The following CDH12 variants were observed in gnomAD, a reference collection of about 807,000 sequenced individuals.
CDH12 encodes the protein cadherin 12, also known as cadherin-12.
Under a neutral mutation model 74.1 loss-of-function variants are expected in CDH12, and 41 were observed. That is an observed-to-expected ratio of 0.55 (90% CI 0.43 to 0.72). The LOEUF is 0.72. Ranked by LOEUF, CDH12 falls within the 30% of genes least tolerant of loss-of-function variation. CDH12 has a pLI of 0.00. For synonymous variants in CDH12, 399 were observed against 355.0 expected, an observed-to-expected ratio of 1.12 and a Z score of -1.39; for missense variants, 945 against 977.2, an observed-to-expected ratio of 0.97 and a Z score of 0.44.
intron 3 of CDH12, among the ~76,000 whole-genome samples, chr5:22,237,163 G>A (rs1196840373): frequency 6.6e-6 from 1 of 152,106 alleles, no homozygotes; most frequent in African/African-American, 2.4e-5. Context: ...GGTGAGTCAT[G>A]TGCACACTAC....
At chr5:22,076,759 G>A in intron 5 of CDH12, among the ~76,000 whole-genome samples, 1 of 152,092 alleles carries the variant, frequency 6.6e-6, no homozygotes, top group Non-Finnish European at 1.5e-5. Flanking sequence ...TCCATATTTT[G>A]GAGTGACTTC....
At chr5:22,710,462 G>C (rs1743230688) in intron 1 of CDH12, among the ~76,000 whole-genome samples, 1 of 152,076 alleles carries the variant, frequency 6.6e-6, no homozygotes. Flanking sequence ...GACAACCGAG[G>C]TACACAATAA....
At chr5:21,786,727 T>C (rs1746218838) in intron 10 of CDH12, among the ~76,000 whole-genome samples, 1 of 152,234 alleles carries the variant, frequency 6.6e-6, no homozygotes, top group Non-Finnish European at 1.5e-5. Flanking sequence ...CTATGATGAT[T>C]CTTGACAAAG....
intron 6 of CDH12, among the ~76,000 whole-genome samples, chr5:21,927,826 T>C (rs1479017949): frequency 1.3e-5 from 2 of 151,792 alleles, no homozygotes; most frequent in Non-Finnish European, 2.9e-5. Context: ...TCCCAGCACT[T>C]TGGGAGGCCG....
chr5:21,940,856 TCTCA>T (rs1006020255), intron 6 of CDH12, among the ~76,000 whole-genome samples: 13 of 151,962 alleles, frequency 8.6e-5, no homozygotes, highest in African/African-American at 3.1e-4. Context: ...TCTCTCTCTC[TCTCA>T]CACACACACA....
At chr5:22,405,527 C>A (rs1279600963) in intron 2 of CDH12, among the ~76,000 whole-genome samples, 176 bp from the exon 3 acceptor site, 2 of 152,036 alleles carry the variant, frequency 1.3e-5, no homozygotes. Flanking sequence ...TTCTATCAGG[C>A]CAAAGATAGT....
chr5:22,333,578 T>C (rs1268945672), intron 3 of CDH12, among the ~76,000 whole-genome samples: 2 of 152,178 alleles, frequency 1.3e-5, no homozygotes, highest in African/African-American at 4.8e-5. Context: ...GTAATACTTC[T>C]ACTCTAACTG....
At chr5:22,518,228 A>G (rs1430476158) in intron 1 of CDH12, among the ~76,000 whole-genome samples, 2 of 152,240 alleles carry the variant, frequency 1.3e-5, no homozygotes, top group Admixed American at 1.3e-4. Context: ...GAAGGTCCTT[A>G]ACAGAGTCCA....
chr5:22,754,684 G>A (rs116606727), intron 1 of CDH12, among the ~76,000 whole-genome samples: 3 of 152,166 alleles, frequency 2.0e-5, no homozygotes, highest in Non-Finnish European at 4.4e-5. Flanking sequence ...GGAAAGTGAC[G>A]GAGCAATACA....
At chr5:22,029,829 C>T (rs1433713927) in intron 5 of CDH12, among the ~76,000 whole-genome samples, 1 of 151,796 alleles carries the variant, frequency 6.6e-6, no homozygotes, top group Non-Finnish European at 1.5e-5. Context: ...TTTATTGCGG[C>T]ACTATTCACA....
chr5:22,786,702 TTTTTC>T (rs1561030144), intron 1 of CDH12, among the ~76,000 whole-genome samples: 1 of 151,844 alleles, frequency 6.6e-6, no homozygotes, highest in Non-Finnish European at 1.5e-5. Context: ...ACATTCTTTT[TTTTTC>T]TTTTTTCTTT....
chr5:22,002,517 T>C (rs1736664928), intron 5 of CDH12, among the ~76,000 whole-genome samples: 2 of 152,178 alleles, frequency 1.3e-5, no homozygotes, highest in African/African-American at 2.4e-5. Context: ...ATTCTCCATA[T>C]CCCTTCTAAA....
Position 22,796,746 on chromosome 5 carries a change from T to C in CDH12, c.-523+56312A>G, listed in dbSNP as rs948608635. On this transcript the variant is annotated intron_variant, in intron 1 of 14. Coordinates refer to ENST00000382254, the MANE Select transcript of CDH12 (RefSeq NM_004061.5). ...CGTTTTAGCCGGGATGGTCTCGATC[T>C]CTTGACCTCGTGATCCGCCCGCCTC... 7.1e-4 allele frequency among the ~76,000 whole-genome samples: 73 copies of C among 102,570 alleles called. 16 individuals carry two copies. The highest frequency in any genetic ancestry group is 3.5e-3 in the African/African-American group (70 of 20,068). 67.3% of individuals were successfully genotyped at this position (102,570 alleles called of 152,430 possible).
chr5:22,143,224 T>G (rs1157839249), intron 4 of CDH12: 1 of 153,012 alleles, frequency 6.5e-6, no homozygotes, highest in African/African-American at 2.4e-5. Context: ...AGCATGTCTT[T>G]GGTGAATGGT....
chr5:22,679,647 C>A, intron 1 of CDH12, among the ~76,000 whole-genome samples: 1 of 152,090 alleles, frequency 6.6e-6, no homozygotes, highest in Admixed American at 6.6e-5. Context: ...TTATTTAATT[C>A]ACATTTTAAT....
intron 7 of CDH12, among the ~76,000 whole-genome samples, chr5:21,851,928 A>G (rs1750487474): frequency 6.6e-6 from 1 of 151,334 alleles, no homozygotes; most frequent in East Asian, 1.9e-4. Flanking sequence ...TTTTGATGAG[A>G]CTTTTCTTTT....
At chr5:21,791,120 A>G (rs1746472994) in intron 10 of CDH12, among the ~76,000 whole-genome samples, 1 of 152,022 alleles carries the variant, frequency 6.6e-6, no homozygotes. Flanking sequence ...ACATCTTCTC[A>G]TAGTTAGCCA....
intron 2 of CDH12, among the ~76,000 whole-genome samples, chr5:22,425,156 T>TATATATACATAAAA (rs1554039873): frequency 7.9e-6 from 1 of 126,248 alleles, no homozygotes; most frequent in Non-Finnish European, 1.7e-5. Flanking sequence ...TGTGTGTGTA[T>TATATATACATAAAA]ATATATATAT....
chr5:22,843,482 A>G (rs768804600), intron 1 of CDH12, among the ~76,000 whole-genome samples: 1 of 152,052 alleles, frequency 6.6e-6, no homozygotes, highest in African/African-American at 2.4e-5. Flanking sequence ...TTCATATTTC[A>G]TAGCTTCCTC....
Sources: gnomAD v4.1 joint callset for allele counts (sites outside exome capture counted in the v4.1 genomes callset) on GRCh38, gnomAD v4.1.1 for gene constraint, MANE v1.5 for transcripts, NCBI Gene and HGNC (gene_info 2026-07-23, HGNC 2026-07-21) for gene names.